CACNA1E: variants seen among roughly 807,000 people sequenced by gnomAD.
The protein encoded by CACNA1E is voltage-dependent R-type calcium channel subunit alpha-1E.
Under a neutral mutation model 259.2 loss-of-function variants are expected in CACNA1E, and 40 were observed. That is an observed-to-expected ratio of 0.15 (90% CI 0.12 to 0.20). CACNA1E has a LOEUF of 0.20. CACNA1E is among the 10% of genes least tolerant of loss of function. The probability of loss-of-function intolerance (pLI) is 1.00; values close to 1 mark genes in which losing one functional copy is unlikely to be tolerated. For synonymous variants in CACNA1E, 1,104 were observed against 1,138.5 expected, an observed-to-expected ratio of 0.97 and a Z score of 0.61; for missense variants, 1,874 against 3,040.1, an observed-to-expected ratio of 0.62 and a Z score of 9.02.
chr1:181,567,410 A>G (rs1383117205), intron 3 of CACNA1E, among the ~76,000 whole-genome samples: 1 of 152,202 alleles, frequency 6.6e-6, no homozygotes, highest in Admixed American at 6.5e-5. Flanking sequence ...AAATTAACTC[A>G]GAGCCATATG....
At chr1:181,720,088 T>G in intron 13 of CACNA1E, 118 bp from the exon 14 acceptor site, 1 of 1,253,226 alleles carries the variant, frequency 8.0e-7, no homozygotes, top group South Asian at 1.4e-5. Flanking sequence ...CCCTCTTTAC[T>G]TCCTACAAAT....
At chr1:181,636,879 T>C (rs1657262903) in intron 6 of CACNA1E, among the ~76,000 whole-genome samples, 1 of 152,210 alleles carries the variant, frequency 6.6e-6, no homozygotes, top group Admixed American at 6.5e-5. Context: ...ACGGGGCTGG[T>C]GCTGTCAGCA....
chr1:181,536,541 G>A (rs1401368484), intron 3 of CACNA1E, among the ~76,000 whole-genome samples: 1 of 152,094 alleles, frequency 6.6e-6, no homozygotes, highest in African/African-American at 2.4e-5. Flanking sequence ...TTCTCATTGA[G>A]TATAAGTTCT....
rs753588923 is a variant in CACNA1E at position 181,452,460 on chromosome 1, C to T, written c.435-31284C>T. ...TCACACTTCTCCAGTGGTTTGCAAA[C>T]TGTGTTCCTTGGAGCCCTTCAGGGA... On this transcript the variant is annotated intron_variant, in intron 2 of 11. Transcript: ENST00000524607. 2.0e-5 allele frequency among the ~76,000 whole-genome samples: 3 copies of T among 152,142 alleles called. No homozygotes were observed. The East Asian group carries it at 5.8e-4, about 29-fold the overall frequency.
intron 25 of CACNA1E, among the ~76,000 whole-genome samples, chr1:181,742,549 A>G (rs548752861): frequency 1.3e-5 from 2 of 152,322 alleles, no homozygotes; most frequent in Admixed American, 6.5e-5. Context: ...AACTTGAGCT[A>G]TGGTGGTTGC....
chr1:181,572,572 TATAC>T (rs1558140606), intron 3 of CACNA1E, among the ~76,000 whole-genome samples: 1 of 152,198 alleles, frequency 6.6e-6, no homozygotes, highest in Non-Finnish European at 1.5e-5. Flanking sequence ...CACCCCCCTG[TATAC>T]AGAGCTTTCC....
chr1:181,778,443 C>A (rs990729951), intron 38 of CACNA1E, among the ~76,000 whole-genome samples: 5 of 152,136 alleles, frequency 3.3e-5, no homozygotes, highest in African/African-American at 4.8e-5. Context: ...TGGGCTGAAG[C>A]AATAGTCTCC....
chr1:181,666,857 C>T (rs569209586), intron 7 of CACNA1E, among the ~76,000 whole-genome samples: 13 of 152,046 alleles, frequency 8.6e-5, no homozygotes, highest in African/African-American at 2.6e-4. Flanking sequence ...AGTTACTTGG[C>T]AGGACAAAAA....
chr1:181,331,051 T>C (rs1651218204), intron 1 of CACNA1E, among the ~76,000 whole-genome samples: 1 of 152,148 alleles, frequency 6.6e-6, no homozygotes, highest in Admixed American at 6.5e-5. Flanking sequence ...TGCTGTCTTA[T>C]GGCATCTCAG....
intron 1 of CACNA1E, among the ~76,000 whole-genome samples, chr1:181,510,194 T>C (rs748303369): frequency 2.0e-5 from 3 of 152,226 alleles, no homozygotes; most frequent in Non-Finnish European, 4.4e-5. Context: ...AGCTGGAGTG[T>C]CTGCCATATG....
chr1:181,604,505 G>A (rs536284432), intron 6 of CACNA1E, among the ~76,000 whole-genome samples: 37 of 152,294 alleles, frequency 2.4e-4, no homozygotes, highest in Middle Eastern at 6.8e-3. Flanking sequence ...GTTGGGTTTG[G>A]CCCTTGCAGG....
rs983032291 is a variant in CACNA1E, at chr1:181,799,235, G to C, written c.*401G>C. On this transcript the variant is annotated 3_prime_UTR_variant, in exon 48 of 48. Coordinates refer to ENST00000367573, the MANE Select transcript of CACNA1E (RefSeq NM_001205293.3). ...CTGGAAGACTTTCTGGCTCTTAACT[G>C]GGGAGTAGTGGAGACCATAGGAGAG... The C allele has an allele frequency of 6.2e-6, 1 of 161,866 alleles. No individual in the cohort carries two copies. The highest frequency in any genetic ancestry group is 2.4e-5 in the African/African-American group (1 of 41,740). The allele number at this position is 161,866 out of a possible 1,614,324, so 10.0% of individuals were successfully genotyped here.
intron 1 of CACNA1E, among the ~76,000 whole-genome samples, chr1:181,496,230 C>T (rs1241846421): frequency 6.6e-6 from 1 of 152,150 alleles, no homozygotes; most frequent in Non-Finnish European, 1.5e-5. Context: ...TTTGGATTTA[C>T]AATCAGAAAA....
chr1:181,730,619 C>T (rs369825220), intron 18 of CACNA1E, among the ~76,000 whole-genome samples: 5 of 152,208 alleles, frequency 3.3e-5, no homozygotes, highest in African/African-American at 1.2e-4. Flanking sequence ...TGGTGGCCTA[C>T]GGAAAGATGG....
At chr1:181,691,749 G>A (rs1438511880) in intron 7 of CACNA1E, among the ~76,000 whole-genome samples, 5 of 152,062 alleles carry the variant, frequency 3.3e-5, no homozygotes, top group Non-Finnish European at 5.9e-5. Context: ...TTCCTCTTGA[G>A]AACTGATACA....
intron 37 of CACNA1E, among the ~76,000 whole-genome samples, chr1:181,773,356 C>T (rs1227602437): frequency 6.6e-6 from 1 of 152,118 alleles, no homozygotes; most frequent in Non-Finnish European, 1.5e-5. Context: ...GACACTTTCC[C>T]TTTTATAGCA....
At chr1:181,769,541 GC>G (rs1659315924) in intron 35 of CACNA1E, among the ~76,000 whole-genome samples, 1 of 151,506 alleles carries the variant, frequency 6.6e-6, no homozygotes, top group Non-Finnish European at 1.5e-5. Flanking sequence ...CCCACAAAGT[GC>G]TGGGATTACA....
chr1:181,327,036 C>T (rs1339777184), intron 1 of CACNA1E, among the ~76,000 whole-genome samples: 1 of 152,200 alleles, frequency 6.6e-6, no homozygotes, highest in Non-Finnish European at 1.5e-5. Context: ...CCATGCTTAC[C>T]TCTGACACTG....
intron 6 of CACNA1E, among the ~76,000 whole-genome samples, chr1:181,629,205 T>A (rs915952309): frequency 6.6e-6 from 1 of 152,184 alleles, no homozygotes; most frequent in Non-Finnish European, 1.5e-5. Context: ...ATTAACTAAC[T>A]GGAAGGACTT....
Sources: gnomAD v4.1 joint callset for allele counts (sites outside exome capture counted in the v4.1 genomes callset) on GRCh38, gnomAD v4.1.1 for gene constraint, MANE v1.5 for transcripts, NCBI Gene and HGNC (gene_info 2026-07-23, HGNC 2026-07-21) for gene names.